The following FSTL4 variants were observed in gnomAD, a reference collection of about 807,000 sequenced individuals.
The protein encoded by FSTL4 is follistatin like 4.
Under a neutral mutation model 78.2 loss-of-function variants are expected in FSTL4, and 28 were observed. The ratio of observed to expected loss-of-function variants is 0.36; its 90% CI spans 0.27 to 0.49. FSTL4 has a LOEUF of 0.49. Ranked by LOEUF, FSTL4 falls within the 20% of genes least tolerant of loss-of-function variation. The pLI is 0.98. For missense variants in FSTL4, 922 were observed against 1,084.9 expected, an observed-to-expected ratio of 0.85 and a Z score of 2.11; for synonymous variants, 422 against 440.5, an observed-to-expected ratio of 0.96 and a Z score of 0.53.
chr5:133,469,315 G>A (rs1217267062), intron 3 of FSTL4, among the ~76,000 whole-genome samples: 1 of 152,216 alleles, frequency 6.6e-6, no homozygotes, highest in Non-Finnish European at 1.5e-5. Flanking sequence ...ATGCAATGGA[G>A]CCAGGAACTC....
At position 133,218,885 on chromosome 5, in the gene FSTL4, T is replaced by A. The variant is rs146026882; in HGVS notation, c.1459-1507A>T. ...CCTCCTTCACTAGATTGTAAGTAAG[T>A]TCCTTGAGGGCAGGTCTTTGGTTCA... On this transcript the variant is annotated intron_variant, in intron 12 of 15. Transcript: ENST00000265342. Among the ~76,000 whole-genome samples the A allele has an allele frequency of 8.5e-5, 13 of 152,368 alleles. 1 individual carries two copies. Among genetic ancestry groups the A allele is most frequent in the Middle Eastern group, 6.8e-3 (2 of 294 alleles).
chr5:133,613,464 C>T (rs1561487352), upstream of FSTL4, among the ~76,000 whole-genome samples: 1 of 152,094 alleles, frequency 6.6e-6, no homozygotes, highest in East Asian at 1.9e-4. Context: ...GGGGAGGTGA[C>T]AGAGGGGATT....
At position 133,253,136 on chromosome 5, in the gene FSTL4, T is replaced by C. The variant is rs374405190; in HGVS notation, c.728-3560A>G. ...TCACAGTTCTGAAGGGATTTATGGC[T>C]ACTGAGCCCTCTCCTTCCACCCTCA... is the stretch of plus-strand genomic sequence containing the variant. On this transcript the variant is annotated intron_variant, in intron 6 of 15. Coordinates refer to ENST00000265342, the MANE Select transcript of FSTL4 (RefSeq NM_015082.2). 3.8e-3 allele frequency among the ~76,000 whole-genome samples: 583 copies of C among 152,348 alleles called. 3 individuals are homozygous for C. The highest frequency in any genetic ancestry group is 0.014 in the African/African-American group (563 of 41,572).
intron 12 of FSTL4, 72 bp downstream of exon 12, chr5:133,220,676 C>T (rs889084702): frequency 2.4e-6 from 2 of 837,402 alleles, no homozygotes; most frequent in Non-Finnish European, 4.2e-6. Flanking sequence ...AAATGGCATG[C>T]CTGGTTAAAG....
intron 1 of FSTL4, among the ~76,000 whole-genome samples, chr5:133,606,970 C>G (rs1353397282): frequency 6.6e-6 from 1 of 152,202 alleles, no homozygotes; most frequent in East Asian, 1.9e-4. Flanking sequence ...TTCAGAAGGC[C>G]CAAGATCCAA....
At chr5:133,245,643 T>A (rs1413884129) in intron 7 of FSTL4, among the ~76,000 whole-genome samples, 2 of 152,202 alleles carry the variant, frequency 1.3e-5, no homozygotes, top group African/African-American at 4.8e-5. Context: ...TTCTCTACTC[T>A]GGTACGGAGC....
chr5:133,242,742 C>T (rs1483958034), intron 7 of FSTL4, among the ~76,000 whole-genome samples: 1 of 152,198 alleles, frequency 6.6e-6, no homozygotes, highest in Non-Finnish European at 1.5e-5. Flanking sequence ...ACTGGATGTT[C>T]AGATGTTTTT....
At chr5:133,238,917 G>A (rs1269794690) in intron 7 of FSTL4, among the ~76,000 whole-genome samples, 1 of 152,350 alleles carries the variant, frequency 6.6e-6, no homozygotes, top group South Asian at 2.1e-4. Context: ...TCAGCCTGCC[G>A]CTGCACTGTG....
chr5:133,821,249 C>G, the FSTL4 span, among the ~76,000 whole-genome samples: 2 of 152,220 alleles, frequency 1.3e-5, no homozygotes, highest in African/African-American at 4.8e-5. Flanking sequence ...ATGCCTTCAG[C>G]AAAAGGTCAA....
chr5:133,529,753 C>G (rs1343476151), intron 3 of FSTL4, among the ~76,000 whole-genome samples: 1 of 152,144 alleles, frequency 6.6e-6, no homozygotes, highest in African/African-American at 2.4e-5. Flanking sequence ...TGAAGACTCA[C>G]CCTTCAGAGT....
At chr5:133,616,091 A>G (rs1218018094), upstream of FSTL4, among the ~76,000 whole-genome samples, 1 of 152,176 alleles carries the variant, frequency 6.6e-6, no homozygotes, top group Non-Finnish European at 1.5e-5. Flanking sequence ...TTAAGAATGT[A>G]TTGTTTACAA....
chr5:133,616,354 T>TATCTATCC (rs1376365850), upstream of FSTL4, among the ~76,000 whole-genome samples: 1 of 151,904 alleles, frequency 6.6e-6, no homozygotes, highest in East Asian at 1.9e-4. Context: ...TCTATCTATC[T>TATCTATCC]AATTTTAAAG....
intron 3 of FSTL4, among the ~76,000 whole-genome samples, chr5:133,408,256 GTT>G (rs1756405318): frequency 6.6e-6 from 1 of 152,072 alleles, no homozygotes; most frequent in Non-Finnish European, 1.5e-5. Flanking sequence ...TTATTCCCAA[GTT>G]TTGGATAATT....
At chr5:133,775,284 C>A in the FSTL4 span, among the ~76,000 whole-genome samples, 1 of 152,172 alleles carries the variant, frequency 6.6e-6, no homozygotes, top group African/African-American at 2.4e-5. Flanking sequence ...GCATAAATCC[C>A]ATGGTTTTAA....
chr5:133,541,836 A>C (rs1759478392), intron 3 of FSTL4, among the ~76,000 whole-genome samples: 1 of 152,018 alleles, frequency 6.6e-6, no homozygotes, highest in African/African-American at 2.4e-5. Context: ...AGTTCCCTTC[A>C]GTGGAAAACC....
At chr5:133,421,566 C>T (rs546567300) in intron 3 of FSTL4, among the ~76,000 whole-genome samples, 1 of 152,368 alleles carries the variant, frequency 6.6e-6, no homozygotes, top group African/African-American at 2.4e-5. Flanking sequence ...ACGGGGTGGC[C>T]ATTGCCCTAA....
At chr5:133,706,852 T>C in the FSTL4 span, among the ~76,000 whole-genome samples, 2 of 152,054 alleles carry the variant, frequency 1.3e-5, no homozygotes, top group Admixed American at 6.6e-5. Flanking sequence ...GGAGGAGCGG[T>C]AAGGCAGTGC....
intron 11 of FSTL4, among the ~76,000 whole-genome samples, chr5:133,221,794 A>G (rs1383456935): frequency 1.4e-5 from 2 of 146,252 alleles, no homozygotes; most frequent in Admixed American, 7.0e-5. Context: ...CCTTATTTCT[A>G]TCTCCCCTTT....
intron 6 of FSTL4, among the ~76,000 whole-genome samples, chr5:133,283,456 A>G (rs755473659): frequency 1.3e-5 from 2 of 152,200 alleles, no homozygotes; most frequent in Admixed American, 6.5e-5. Flanking sequence ...AGTCTATTAC[A>G]TGGTCCAGAT....
Sources: gnomAD v4.1 joint callset for allele counts (sites outside exome capture counted in the v4.1 genomes callset) on GRCh38, gnomAD v4.1.1 for gene constraint, MANE v1.5 for transcripts, NCBI Gene and HGNC (gene_info 2026-07-23, HGNC 2026-07-21) for gene names.